Variants in CNTN3 observed in about 807,000 individuals in gnomAD.
CNTN3 encodes the protein contactin 3.
Under a neutral mutation model 119.1 loss-of-function variants are expected in CNTN3, and 60 were observed. That is an observed-to-expected ratio of 0.50 (90% CI 0.41 to 0.62). The LOEUF is 0.62. Ranked by LOEUF, CNTN3 falls within the 20% of genes least tolerant of loss-of-function variation. The pLI is 0.00. For missense variants in CNTN3, 1,101 were observed against 1,242.4 expected, an observed-to-expected ratio of 0.89 and a Z score of 1.71; for synonymous variants, 450 against 438.7, an observed-to-expected ratio of 1.03 and a Z score of -0.32.
chr3:74,563,221 AT>A (rs1368279873), intron 1 of CNTN3, among the ~76,000 whole-genome samples: 2 of 151,902 alleles, frequency 1.3e-5, no homozygotes, highest in African/African-American at 2.4e-5. Flanking sequence ...CTGCTTTCTC[AT>A]TTCTCCTCTT....
intron 3 of CNTN3, among the ~76,000 whole-genome samples, chr3:74,490,630 C>T (rs1702945140): frequency 6.6e-6 from 1 of 152,116 alleles, no homozygotes; most frequent in South Asian, 2.1e-4. Flanking sequence ...GTAAAACTAT[C>T]ATCCTTATGT....
intron 5 of CNTN3, among the ~76,000 whole-genome samples, chr3:74,381,178 C>T (rs978214288): frequency 1.1e-4 from 16 of 149,628 alleles, no homozygotes; most frequent in African/African-American, 3.0e-4. Context: ...GAGTTAAACA[C>T]CATTAAAAAA....
intron 4 of CNTN3, among the ~76,000 whole-genome samples, chr3:74,485,933 G>A (rs1450561314): frequency 6.6e-6 from 1 of 152,050 alleles, no homozygotes; most frequent in African/African-American, 2.4e-5. Flanking sequence ...AATTTGTGAG[G>A]TCATCTGTGA....
intron 4 of CNTN3, among the ~76,000 whole-genome samples, chr3:74,469,985 C>T (rs1270749828): frequency 6.6e-6 from 1 of 152,102 alleles, no homozygotes; most frequent in Non-Finnish European, 1.5e-5. Context: ...CGATAAACAG[C>T]ATGTGATATA....
chr3:74,322,169 C>CAAAAAAAAAA (rs35201394), intron 13 of CNTN3, among the ~76,000 whole-genome samples: 1 of 94,176 alleles, frequency 1.1e-5, no homozygotes, highest in East Asian at 3.0e-4. Context: ...CTGGGTGACT[C>CAAAAAAAAAA]AAAAAAAAAA....
intron 19 of CNTN3, among the ~76,000 whole-genome samples, chr3:74,289,715 G>T (rs186235203): frequency 2.6e-5 from 4 of 152,156 alleles, no homozygotes; most frequent in Admixed American, 1.3e-4. Flanking sequence ...CTGAGCCTTG[G>T]AGAGCTCGAA....
intron 4 of CNTN3, among the ~76,000 whole-genome samples, chr3:74,450,669 C>G (rs1181080059): frequency 8.0e-6 from 1 of 125,018 alleles, no homozygotes; most frequent in Non-Finnish European, 1.7e-5. Context: ...CCCCTCCCCC[C>G]ACCCCACAAC....
intron 1 of CNTN3, among the ~76,000 whole-genome samples, chr3:74,556,891 T>G (rs1005841060): frequency 3.3e-5 from 5 of 152,216 alleles, no homozygotes; most frequent in African/African-American, 1.2e-4. Context: ...TAATGGCTAA[T>G]GAGGTCAACC....
At chr3:74,605,356 C>T (rs1351953292) in intron 1 of CNTN3, among the ~76,000 whole-genome samples, 1 of 151,966 alleles carries the variant, frequency 6.6e-6, no homozygotes, top group Non-Finnish European at 1.5e-5. Flanking sequence ...ATTCATTCTA[C>T]AATGTGTACA....
At chr3:74,527,404 G>C (rs989642103) in intron 1 of CNTN3, among the ~76,000 whole-genome samples, 1 of 151,900 alleles carries the variant, frequency 6.6e-6, no homozygotes, top group Admixed American at 6.6e-5. Flanking sequence ...GTATATTGCA[G>C]TAGATGGGGC....
intron 4 of CNTN3, among the ~76,000 whole-genome samples, chr3:74,481,204 G>C (rs1373291526): frequency 6.6e-6 from 1 of 151,674 alleles, no homozygotes; most frequent in African/African-American, 2.4e-5. Flanking sequence ...TGATAGATTA[G>C]GCATCAGTAA....
intron 1 of CNTN3, among the ~76,000 whole-genome samples, chr3:74,608,476 A>G (rs1245680547): frequency 1.3e-5 from 2 of 152,172 alleles, no homozygotes; most frequent in African/African-American, 4.8e-5. Flanking sequence ...ACTTCCTTGC[A>G]CTAAAATCAG....
chr3:74,450,844 A>C (rs1266753980), intron 4 of CNTN3, among the ~76,000 whole-genome samples: 1 of 151,848 alleles, frequency 6.6e-6, no homozygotes, highest in Non-Finnish European at 1.5e-5. Flanking sequence ...ACATGAACTC[A>C]TCATTTTTTA....
In CNTN3 at chr3:74,267,813, A is replaced by G. The variant is rs535275654; in HGVS notation, c.2705-435T>C. ...TAGAGGGCTGCTTGTTCCTAAACCA[A>G]GAAAGGAAGGCGGCGGGACTTATTT... On this transcript the variant is annotated intron_variant, in intron 20 of 22. Transcript: ENST00000263665. Among the ~76,000 whole-genome samples the G allele has an allele frequency of 1.1e-4, 17 of 152,232 alleles. No homozygotes were observed. In the East Asian group the frequency reaches 3.3e-3, roughly 29 times the overall value.
chr3:74,429,719 T>C (rs1701752364), intron 4 of CNTN3, among the ~76,000 whole-genome samples: 1 of 152,068 alleles, frequency 6.6e-6, no homozygotes, highest in Non-Finnish European at 1.5e-5. Context: ...ACTGGGAGGA[T>C]ATACTTGAAA....
At chr3:74,396,746 G>GAAAA (rs61397069) in intron 5 of CNTN3, among the ~76,000 whole-genome samples, 21 of 98,748 alleles carry the variant, frequency 2.1e-4, no homozygotes, top group African/African-American at 5.4e-4. Context: ...TTCCGCCTCA[G>GAAAA]AAAAAAAAAA....
intron 4 of CNTN3, among the ~76,000 whole-genome samples, chr3:74,432,430 A>C (rs189940426): frequency 2.0e-5 from 3 of 152,268 alleles, no homozygotes; most frequent in East Asian, 1.9e-4. Context: ...AATGTTTTAC[A>C]AAAGTTTACA....
chr3:74,521,238 AG>A (rs1217959521), intron 1 of CNTN3, 46 bp from the exon 2 acceptor site: 22 of 424,426 alleles, frequency 5.2e-5, no homozygotes, highest in African/African-American at 3.6e-4. Context: ...AAAAAAAAAA[AG>A]CTGCTTTAAA....
chr3:74,458,181 C>T (rs898745889), intron 4 of CNTN3, among the ~76,000 whole-genome samples: 15 of 151,980 alleles, frequency 9.9e-5, no homozygotes, highest in African/African-American at 3.6e-4. Flanking sequence ...GGTCTAGGAA[C>T]ACAGCTCTCT....
Sources: allele counts gnomAD v4.1 joint callset (sites outside exome capture counted in the v4.1 genomes callset), GRCh38; gene constraint gnomAD v4.1.1; transcripts MANE v1.5; gene names NCBI Gene and HGNC (gene_info 2026-07-23, HGNC 2026-07-21).